HTR7: variants seen among roughly 807,000 people sequenced by gnomAD.
HTR7 encodes the protein 5-HT-7.
In HTR7, 16 loss-of-function variants were observed where a neutral mutation model predicts 34.0. The ratio of observed to expected loss-of-function variants is 0.47; its 90% CI spans 0.32 to 0.71. HTR7 has a LOEUF of 0.71. Among genes scored for constraint, HTR7 ranks in the 30% least tolerant of loss-of-function variants. The probability of loss-of-function intolerance (pLI) is 0.04; values close to 1 mark genes in which losing one functional copy is unlikely to be tolerated. For synonymous variants in HTR7, 265 were observed against 260.2 expected (o/e 1.02, Z -0.18); for missense variants, 504 against 625.5 (o/e 0.81, Z 2.07).
At chr10:90,852,933 AT>A (rs1306615768) in intron 1 of HTR7, among the ~76,000 whole-genome samples, 5 of 152,224 alleles carry the variant, frequency 3.3e-5, no homozygotes, top group Middle Eastern at 3.2e-3. Context: ...GGATGTGGAA[AT>A]TCATCAAGCT....
chr10:90,830,143 G>A (rs1015258856), intron 1 of HTR7, among the ~76,000 whole-genome samples: 11 of 152,046 alleles, frequency 7.2e-5, no homozygotes, highest in African/African-American at 2.4e-4. Context: ...CACCAATAGC[G>A]AACCTCAGTA....
intron 1 of HTR7, among the ~76,000 whole-genome samples, chr10:90,772,666 C>T (rs1589444427): frequency 6.6e-6 from 1 of 152,236 alleles, no homozygotes; most frequent in East Asian, 1.9e-4. Context: ...CCCAGAAACC[C>T]AACTGCTTTG....
At chr10:90,841,824 A>G (rs1846333704) in intron 1 of HTR7, among the ~76,000 whole-genome samples, 2 of 152,090 alleles carry the variant, frequency 1.3e-5, no homozygotes, top group African/African-American at 4.8e-5. Flanking sequence ...TCATGGTGAA[A>G]ACTCATCTCT....
chr10:90,750,242 A>G (rs1380268825), intron 1 of HTR7, among the ~76,000 whole-genome samples: 1 of 152,198 alleles, frequency 6.6e-6, no homozygotes, highest in Non-Finnish European at 1.5e-5. Context: ...CAGAGGAACA[A>G]TCTAAGAAAT....
At chr10:90,828,912 G>T (rs992533418) in intron 1 of HTR7, among the ~76,000 whole-genome samples, 1 of 151,188 alleles carries the variant, frequency 6.6e-6, no homozygotes, top group East Asian at 1.9e-4. Context: ...AAGTCTCAGG[G>T]GGTTGAAAAT....
At chr10:90,757,055 G>A (rs976293954) in intron 1 of HTR7, among the ~76,000 whole-genome samples, 11 of 152,118 alleles carry the variant, frequency 7.2e-5, no homozygotes, top group Non-Finnish European at 1.6e-4. Context: ...GGGGATGGCA[G>A]CAAAGAAAGA....
chr10:90,812,129 G>A (rs1845820688), intron 1 of HTR7, among the ~76,000 whole-genome samples: 1 of 152,210 alleles, frequency 6.6e-6, no homozygotes, highest in South Asian at 2.1e-4. Flanking sequence ...CCTGTCCTCA[G>A]AATGCTACAG....
chr10:90,763,076 C>T (rs774134011), intron 1 of HTR7, among the ~76,000 whole-genome samples: 3 of 152,108 alleles, frequency 2.0e-5, no homozygotes, highest in Middle Eastern at 3.2e-3. Flanking sequence ...TGTGATGCCT[C>T]GAGCTTTATT....
chr10:90,770,601 T>A (rs1845093984), intron 1 of HTR7, among the ~76,000 whole-genome samples: 1 of 152,162 alleles, frequency 6.6e-6, no homozygotes, highest in Non-Finnish European at 1.5e-5. Flanking sequence ...GCCCGGGCAC[T>A]GTCACAGCCC....
Position 90,743,883 on chromosome 10 carries a change from CT to C in HTR7, c.1296-194del, listed in dbSNP as rs1220394371. ...AAAGTATTCACAGCTTTTCCTCCATCTATTCACTTCATTACCCCAGGGAAAA... is the reference window on the plus strand; with the variant it reads ...AAAGTATTCACAGCTTTTCCTCCATCATTCACTTCATTACCCCAGGGAAAA... On this transcript the variant is annotated intron_variant, in intron 2 of 3. Coordinates refer to ENST00000336152, the MANE Select transcript of HTR7 (RefSeq NM_019859.4). 5.7e-6 allele frequency: 4 copies of C among 703,812 alleles called. No individual in the cohort carries two copies. In the Admixed American group the frequency reaches 8.1e-5, roughly 14 times the overall value. 43.6% of individuals were successfully genotyped at this position (703,812 alleles called of 1,614,324 possible).
At chr10:90,830,041 C>T (rs931381663) in intron 1 of HTR7, among the ~76,000 whole-genome samples, 1 of 152,162 alleles carries the variant, frequency 6.6e-6, no homozygotes, top group Non-Finnish European at 1.5e-5. Flanking sequence ...CAATCCATAT[C>T]AAAACACCAA....
chr10:90,762,998 T>C (rs1384195254), intron 1 of HTR7, among the ~76,000 whole-genome samples: 1 of 152,228 alleles, frequency 6.6e-6, no homozygotes, highest in Non-Finnish European at 1.5e-5. Context: ...TTGATCTATG[T>C]GTCTGTTTTT....
chr10:90,757,728 A>C (rs911592670), intron 1 of HTR7, among the ~76,000 whole-genome samples: 3 of 152,208 alleles, frequency 2.0e-5, no homozygotes, highest in Non-Finnish European at 2.9e-5. Flanking sequence ...AATGAGCAAG[A>C]TTAAACTGTT....
chr10:90,801,376 T>C (rs1845623768), intron 1 of HTR7, among the ~76,000 whole-genome samples: 1 of 152,196 alleles, frequency 6.6e-6, no homozygotes, highest in Non-Finnish European at 1.5e-5. Flanking sequence ...TAAAACTCCA[T>C]AGTTGCAGAA....
chr10:90,768,453 T>C (rs1478303466), intron 1 of HTR7, among the ~76,000 whole-genome samples: 1 of 152,214 alleles, frequency 6.6e-6, no homozygotes. Context: ...ATCCCCCACC[T>C]CCAATATGTA....
At chr10:90,843,589 A>T (rs1846362970) in intron 1 of HTR7, among the ~76,000 whole-genome samples, 1 of 152,210 alleles carries the variant, frequency 6.6e-6, no homozygotes, top group African/African-American at 2.4e-5. Context: ...GAACTGAAAG[A>T]AGACCAGAAT....
intron 1 of HTR7, among the ~76,000 whole-genome samples, chr10:90,781,546 T>C (rs1247093862): frequency 6.6e-6 from 1 of 152,260 alleles, no homozygotes; most frequent in Non-Finnish European, 1.5e-5. Flanking sequence ...TATCTTCTAA[T>C]TGAAGATAAG....
intron 1 of HTR7, among the ~76,000 whole-genome samples, chr10:90,830,702 C>A (rs72810816): frequency 1.3e-5 from 2 of 149,562 alleles, no homozygotes; most frequent in Non-Finnish European, 3.0e-5. Flanking sequence ...GTGGGAGGAT[C>A]GCTTAAGCCC....
intron 1 of HTR7, among the ~76,000 whole-genome samples, chr10:90,824,384 C>T (rs1846035781): frequency 6.6e-6 from 1 of 152,228 alleles, no homozygotes; most frequent in Non-Finnish European, 1.5e-5. Flanking sequence ...CTAGGTAGTA[C>T]ACACTGTGAG....
Sources: allele counts gnomAD v4.1 joint callset (sites outside exome capture counted in the v4.1 genomes callset), GRCh38; gene constraint gnomAD v4.1.1; transcripts MANE v1.5; gene names NCBI Gene and HGNC (gene_info 2026-07-23, HGNC 2026-07-21).